XKR6: variants seen among roughly 807,000 people sequenced by gnomAD.
XKR6 encodes XK-related protein 6.
Under a neutral mutation model 56.7 loss-of-function variants are expected in XKR6, and 22 were observed. The ratio of observed to expected loss-of-function variants is 0.39; its 90% CI spans 0.28 to 0.55. XKR6 has a LOEUF of 0.55. Ranked by LOEUF, XKR6 falls within the 20% of genes least tolerant of loss-of-function variation. The pLI is 0.66. For missense variants in XKR6, 852 were observed against 889.0 expected (o/e 0.96, Z 0.53); for synonymous variants, 524 against 387.8 (o/e 1.35, Z -4.13).
intron 1 of XKR6, among the ~76,000 whole-genome samples, chr8:11,003,349 CACCATCATCACT>C (rs1331597438): frequency 6.6e-6 from 1 of 152,130 alleles, no homozygotes. Flanking sequence ...CAGCCATTCT[CACCATCATCACT>C]ACCATCATCG....
At chr8:10,999,981 C>T (rs937368734) in intron 1 of XKR6, among the ~76,000 whole-genome samples, 2 of 152,200 alleles carry the variant, frequency 1.3e-5, no homozygotes, top group Admixed American at 1.3e-4. Flanking sequence ...CATATGACTT[C>T]CCAGACTGTG....
chr8:11,082,763 T>C (rs1190384784), intron 1 of XKR6, among the ~76,000 whole-genome samples: 1 of 152,218 alleles, frequency 6.6e-6, no homozygotes, highest in African/African-American at 2.4e-5. Context: ...GCCACTGGGC[T>C]GGGCCTTTGG....
At chr8:11,199,546 T>C (rs1310711584) in intron 1 of XKR6, among the ~76,000 whole-genome samples, 1 of 152,164 alleles carries the variant, frequency 6.6e-6, no homozygotes, top group African/African-American at 2.4e-5. Flanking sequence ...TTCAGTAAGA[T>C]TTTTTTCTCT....
intron 1 of XKR6, among the ~76,000 whole-genome samples, chr8:10,956,503 G>A (rs1472996164): frequency 6.6e-6 from 1 of 152,160 alleles, no homozygotes; most frequent in Non-Finnish European, 1.5e-5. Flanking sequence ...GAAGGGCCCA[G>A]GCCTCAACTT....
chr8:11,042,591 A>G (rs1484781348), intron 1 of XKR6, among the ~76,000 whole-genome samples: 2 of 152,182 alleles, frequency 1.3e-5, no homozygotes, highest in Admixed American at 6.5e-5. Context: ...CTTTTTCTTT[A>G]TAAATTACTC....
At chr8:11,140,760 T>C (rs1192941183) in intron 1 of XKR6, among the ~76,000 whole-genome samples, 1 of 151,742 alleles carries the variant, frequency 6.6e-6, no homozygotes, top group African/African-American at 2.4e-5. Context: ...TAGCCAGGCA[T>C]GGTGGTGGGC....
At chr8:11,068,841 A>C (rs1407380388) in intron 1 of XKR6, among the ~76,000 whole-genome samples, 1 of 152,092 alleles carries the variant, frequency 6.6e-6, no homozygotes, top group Non-Finnish European at 1.5e-5. Flanking sequence ...TGCCTGCTAA[A>C]CTGGTCATAA....
chr8:10,959,048 A>T lies in XKR6; in HGVS notation c.765-34218T>A, dbSNP rs568873721. Among the ~76,000 whole-genome samples the T allele has an allele frequency of 2.0e-5, 3 of 152,354 alleles. No individual in the cohort carries two copies. In the South Asian group the frequency reaches 6.2e-4, roughly 32 times the overall value. On this transcript the variant is annotated intron_variant, in intron 1 of 2. Coordinates refer to ENST00000416569, the MANE Select transcript of XKR6 (RefSeq NM_173683.4). ...GCAGGGCTTCTGTAACCAGAGTGTG[A>T]CGCTGACACTCTGAGTTGCGACCAC...
intron 2 of XKR6, among the ~76,000 whole-genome samples, chr8:10,901,217 G>C (rs1800028323): frequency 6.6e-6 from 1 of 151,930 alleles, no homozygotes; most frequent in Non-Finnish European, 1.5e-5. Context: ...CACCATGCCT[G>C]GGTAATTTTT....
chr8:11,101,891 C>T (rs571737395), intron 1 of XKR6, among the ~76,000 whole-genome samples: 3 of 152,158 alleles, frequency 2.0e-5, no homozygotes, highest in East Asian at 1.9e-4. Context: ...CCTTCCCTTA[C>T]GGACCCGCCA....
Position 10,897,905 on chromosome 8 carries a change from C to T in XKR6, c.*47G>A. 4 of 1,517,664 alleles carry T rather than the reference C, an allele frequency of 2.6e-6. No individual in the cohort carries two copies. The highest frequency in any genetic ancestry group is 2.6e-6 in the Non-Finnish European group (3 of 1,134,078). The allele number at this position is 1,517,664 out of a possible 1,614,324, so 94.0% of individuals were successfully genotyped here. On this transcript the variant is annotated 3_prime_UTR_variant, in exon 3 of 3. Transcript: ENST00000416569. ...TTATATTTCTTGCAAGTGCTGTTTG[C>T]CGCAAACCAAACTTAAGGTCCCCTT...
chr8:11,188,973 A>G (rs1311409387), intron 1 of XKR6, among the ~76,000 whole-genome samples: 1 of 152,100 alleles, frequency 6.6e-6, no homozygotes, highest in East Asian at 1.9e-4. Flanking sequence ...TGCCACACTA[A>G]TATCTTACCA....
At chr8:11,196,704 A>G (rs1803910080) in intron 1 of XKR6, among the ~76,000 whole-genome samples, 1 of 152,224 alleles carries the variant, frequency 6.6e-6, no homozygotes, top group Non-Finnish European at 1.5e-5. Flanking sequence ...CCACGTGATC[A>G]CTTGTGGTTC....
rs144882984 is a variant in XKR6 at position 11,142,266 on chromosome 8, T to C, written c.764+58310A>G. On this transcript the variant is annotated intron_variant, in intron 1 of 2. Transcript: ENST00000416569. ...TAGGACTTCTTTGAAAATGGCTGAT[T>C]CTAGGCCTGGGCAAGATATGTAGAT... Among the ~76,000 whole-genome samples the C allele has an allele frequency of 1.2e-3, 184 of 152,254 alleles. 2 individuals carry two copies. The highest frequency in any genetic ancestry group is 4.2e-3 in the African/African-American group (176 of 41,536).
intron 1 of XKR6, among the ~76,000 whole-genome samples, chr8:11,122,999 G>A (rs955910615): frequency 6.6e-6 from 1 of 151,882 alleles, no homozygotes; most frequent in Admixed American, 6.6e-5. Flanking sequence ...CACTTTGGGA[G>A]GCCGAGGTGG....
chr8:11,011,277 G>C (rs139958020), intron 1 of XKR6, among the ~76,000 whole-genome samples: 98 of 152,304 alleles, frequency 6.4e-4, no homozygotes, highest in African/African-American at 2.0e-3. Flanking sequence ...ACGCAGGAGA[G>C]GCACAGGAAC....
At chr8:11,165,762 T>A (rs1309145255) in intron 1 of XKR6, among the ~76,000 whole-genome samples, 4 of 152,114 alleles carry the variant, frequency 2.6e-5, no homozygotes, top group Non-Finnish European at 5.9e-5. Flanking sequence ...CATTCTTGCA[T>A]CAAAGAGCCT....
chr8:11,196,880 A>C (rs574610005), intron 1 of XKR6, among the ~76,000 whole-genome samples: 1 of 152,354 alleles, frequency 6.6e-6, no homozygotes, highest in East Asian at 1.9e-4. Flanking sequence ...TAATAAACTA[A>C]GTATCCCTAC....
chr8:11,005,924 C>T lies in XKR6; in HGVS notation c.765-81094G>A, dbSNP rs796805508. The stretch of plus-strand genomic sequence containing the variant: ...AGTGGCACATTCTCAGCTCACTGCA[C>T]AGTCTGCCTTCTGGGTGCAAACTAT... On this transcript the variant is annotated intron_variant, in intron 1 of 2. Coordinates refer to ENST00000416569, the MANE Select transcript of XKR6 (RefSeq NM_173683.4). Among the ~76,000 whole-genome samples the T allele has an allele frequency of 4.6e-4, 68 of 148,980 alleles. 1 individual carries two copies. Among genetic ancestry groups the T allele is most frequent in the African/African-American group, 1.7e-3 (67 of 40,326 alleles).
Sources: gnomAD v4.1 joint callset for allele counts (sites outside exome capture counted in the v4.1 genomes callset) on GRCh38, gnomAD v4.1.1 for gene constraint, MANE v1.5 for transcripts, NCBI Gene and HGNC (gene_info 2026-07-23, HGNC 2026-07-21) for gene names.